The following GABRB2 variants were observed in gnomAD, a reference collection of about 807,000 sequenced individuals.
GABRB2 encodes gamma-aminobutyric acid receptor subunit beta-2.
Under a neutral mutation model 54.7 loss-of-function variants are expected in GABRB2, and 16 were observed. The observed-to-expected ratio is 0.29, with a 90% CI of 0.20 to 0.44. The LOEUF is 0.44. GABRB2 is among the 20% of genes least tolerant of loss of function. GABRB2 has a pLI of 1.00. For synonymous variants in GABRB2, 244 were observed against 233.8 expected (o/e 1.04, Z -0.40); for missense variants, 355 against 644.0 (o/e 0.55, Z 4.86).
chr5:161,319,125 GT>G lies in GABRB2; in HGVS notation c.1191+7242del, dbSNP rs777958862. Among the ~76,000 whole-genome samples, 854 of 139,566 alleles carry G rather than the reference GT, an allele frequency of 6.1e-3. 1 individual carries two copies. Among genetic ancestry groups the G allele is most frequent in the Non-Finnish European group, 6.0e-3 (380 of 62,928 alleles). The allele number at this position is 139,566 out of a possible 152,430, so 91.6% of individuals were successfully genotyped here. ...TTTCCCTAATGTAATTTTATTAGCT[GT>G]TTTTTTTTTTTTTAAATAAACAATA... On this transcript the variant is annotated intron_variant, in intron 9 of 9. Transcript: ENST00000393959.
intron 5 of GABRB2, among the ~76,000 whole-genome samples, chr5:161,374,790 T>A (rs1011380622): frequency 6.6e-6 from 1 of 152,186 alleles, no homozygotes; most frequent in East Asian, 1.9e-4. Flanking sequence ...TGGGTACACA[T>A]AACTATACAC....
intron 4 of GABRB2, among the ~76,000 whole-genome samples, chr5:161,411,893 T>C (rs1756526244): frequency 6.6e-6 from 1 of 152,068 alleles, no homozygotes; most frequent in African/African-American, 2.4e-5. Flanking sequence ...GAACACAAGT[T>C]TTAAAACATT....
intron 3 of GABRB2, among the ~76,000 whole-genome samples, chr5:161,533,412 C>CA (rs778321751): frequency 1.4e-4 from 22 of 151,884 alleles, no homozygotes; most frequent in Non-Finnish European, 2.1e-4. Context: ...TTATGCCATC[C>CA]AAAAATGTAA....
At chr5:161,540,721 A>G (rs1760783379) in intron 3 of GABRB2, among the ~76,000 whole-genome samples, 1 of 152,210 alleles carries the variant, frequency 6.6e-6, no homozygotes, top group Non-Finnish European at 1.5e-5. Flanking sequence ...GTTAGCAAGC[A>G]TGAAAACAGC....
chr5:161,326,908 G>T, intron 8 of GABRB2: 1 of 741,854 alleles, frequency 1.3e-6, no homozygotes, highest in Non-Finnish European at 1.6e-6. Flanking sequence ...TCTCAAATAT[G>T]CGTGTTCTTA....
chr5:161,344,350 G>C (rs1266128730), intron 5 of GABRB2, among the ~76,000 whole-genome samples: 1 of 151,998 alleles, frequency 6.6e-6, no homozygotes, highest in African/African-American at 2.4e-5. Flanking sequence ...CAAATTTGTA[G>C]TCACGCTAGT....
chr5:161,297,609 G>A (rs1235527934), intron 9 of GABRB2, among the ~76,000 whole-genome samples: 2 of 151,988 alleles, frequency 1.3e-5, no homozygotes, highest in African/African-American at 4.8e-5. Flanking sequence ...AAGGGATATG[G>A]ACTCGTCCTT....
intron 8 of GABRB2, chr5:161,329,854 C>A (rs972600846): frequency 6.6e-6 from 1 of 152,100 alleles, no homozygotes; most frequent in Admixed American, 6.6e-5. Flanking sequence ...CTAAATGTGG[C>A]CTCTGGGAAG....
intron 5 of GABRB2, among the ~76,000 whole-genome samples, chr5:161,364,878 G>A (rs1295035488): frequency 6.6e-6 from 1 of 152,014 alleles, no homozygotes; most frequent in Admixed American, 6.6e-5. Flanking sequence ...GTCCAGAACA[G>A]CCATTCCGTA....
chr5:161,487,136 C>T (rs1331614676), intron 3 of GABRB2, among the ~76,000 whole-genome samples: 1 of 151,858 alleles, frequency 6.6e-6, no homozygotes, highest in Non-Finnish European at 1.5e-5. Context: ...ATGTTCTTTT[C>T]CCAATATTTT....
chr5:161,433,279 T>C (rs543375576), intron 4 of GABRB2, among the ~76,000 whole-genome samples: 1 of 152,170 alleles, frequency 6.6e-6, no homozygotes, highest in African/African-American at 2.4e-5. Flanking sequence ...TCTTTGGCAG[T>C]AGTTTTTTTG....
intron 5 of GABRB2, among the ~76,000 whole-genome samples, chr5:161,390,292 T>C (rs1309811966): frequency 3.3e-5 from 5 of 152,080 alleles, no homozygotes; most frequent in African/African-American, 7.2e-5. Context: ...GATGAGAAAA[T>C]ACCAGACAGA....
intron 5 of GABRB2, among the ~76,000 whole-genome samples, chr5:161,409,976 G>T (rs1408839204): frequency 6.6e-6 from 1 of 151,866 alleles, no homozygotes; most frequent in Non-Finnish European, 1.5e-5. Context: ...TTTTAAATTG[G>T]GCAAAAATAT....
intron 5 of GABRB2, among the ~76,000 whole-genome samples, chr5:161,365,056 T>C (rs1386787191): frequency 6.6e-6 from 1 of 152,200 alleles, no homozygotes; most frequent in African/African-American, 2.4e-5. Context: ...GACAAATTAG[T>C]GGTACTGAGA....
chr5:161,425,008 AG>A (rs1296895624), intron 4 of GABRB2, among the ~76,000 whole-genome samples: 5 of 152,156 alleles, frequency 3.3e-5, no homozygotes, highest in African/African-American at 4.8e-5. Context: ...TAAGAGAGCT[AG>A]TATTAGAAGT....
In GABRB2 at chr5:161,334,900, G is replaced by A. The variant is rs778833299; in HGVS notation, c.684C>T (p.Ser228=). The A allele has an allele frequency of 6.2e-7, 1 of 1,613,384 alleles. No homozygotes were observed. Among genetic ancestry groups the A allele is most frequent in the Non-Finnish European group, 8.5e-7 (1 of 1,179,670 alleles). The change falls in exon 7 of 10, where the codon TCC becomes TCT. Residue 228 remains serine, a synonymous_variant. Coordinates refer to ENST00000393959, the MANE Select transcript of GABRB2 (RefSeq NM_001371727.1). ...TAAAGCTGAGGGATAACCTGGGATA[G>A]GAACCTAGAAAGGCAATTTTAGAAC... ...ITKKVVFSTG[S]YPRLSLSFKL... is the part of the protein sequence containing the mutation.
At chr5:161,370,465 G>A (rs909748301) in intron 5 of GABRB2, among the ~76,000 whole-genome samples, 18 of 152,082 alleles carry the variant, frequency 1.2e-4, no homozygotes, top group African/African-American at 2.7e-4. Context: ...CAGATCTACC[G>A]CCTCCATTTG....
intron 3 of GABRB2, among the ~76,000 whole-genome samples, chr5:161,537,095 C>T (rs779691069): frequency 6.6e-6 from 1 of 152,158 alleles, no homozygotes; most frequent in Non-Finnish European, 1.5e-5. Context: ...CTATTTGCTT[C>T]TCAAACTCAG....
chr5:161,521,775 C>A (rs1760123069), intron 3 of GABRB2, among the ~76,000 whole-genome samples: 1 of 151,776 alleles, frequency 6.6e-6, no homozygotes, highest in African/African-American at 2.4e-5. Flanking sequence ...ATATCTAAAC[C>A]AACTTATGGA....
Sources: gnomAD v4.1 joint callset for allele counts (sites outside exome capture counted in the v4.1 genomes callset) on GRCh38, gnomAD v4.1.1 for gene constraint, MANE v1.5 for transcripts, NCBI Gene and HGNC (gene_info 2026-07-23, HGNC 2026-07-21) for gene names.